The following ANGPT1 variants were observed in gnomAD, a reference collection of about 807,000 sequenced individuals.
ANGPT1 encodes angiopoietin 1, also known as angiopoietin-1.
ANGPT1 carries 17 observed loss-of-function variants against 62.2 expected under a neutral mutation model. That is an observed-to-expected ratio of 0.27 (90% confidence interval 0.19 to 0.41). ANGPT1 has a LOEUF of 0.41. Ranked by LOEUF, ANGPT1 falls within the 10% of genes least tolerant of loss-of-function variation. The probability of loss-of-function intolerance (pLI) is 1.00; values close to 1 mark genes in which losing one functional copy is unlikely to be tolerated. For synonymous variants in ANGPT1, 199 were observed against 198.9 expected, an observed-to-expected ratio of 1.00 and a Z score of 0.00; for missense variants, 478 against 594.9, an observed-to-expected ratio of 0.80 and a Z score of 2.04.
intron 1 of ANGPT1, among the ~76,000 whole-genome samples, chr8:107,379,806 AAG>A (rs1390827868): frequency 6.6e-6 from 1 of 152,192 alleles, no homozygotes; most frequent in Non-Finnish European, 1.5e-5. Context: ...TATTAAGAAA[AAG>A]TGAATTTATT....
At chr8:107,441,288 C>T (rs894147689) in intron 1 of ANGPT1, among the ~76,000 whole-genome samples, 2 of 152,202 alleles carry the variant, frequency 1.3e-5, no homozygotes, top group Non-Finnish European at 2.9e-5. Context: ...TTTCCTAAAA[C>T]TTCAACATAC....
At chr8:107,359,964 G>A (rs1475789692) in intron 1 of ANGPT1, among the ~76,000 whole-genome samples, 2 of 152,262 alleles carry the variant, frequency 1.3e-5, no homozygotes, top group East Asian at 3.9e-4. Flanking sequence ...TTCATTCTTA[G>A]TAGGAAACTT....
chr8:107,288,621 G>C (rs909349322), intron 6 of ANGPT1, among the ~76,000 whole-genome samples: 1 of 152,068 alleles, frequency 6.6e-6, no homozygotes, highest in African/African-American at 2.4e-5. Context: ...GCTATGAACT[G>C]AAGGTAGAGA....
Position 107,284,744 on chromosome 8 carries a change from T to G in ANGPT1, c.1143A>C (p.Glu381Asp), listed in dbSNP as rs1814098316. 6.2e-7 allele frequency: 1 copy of G among 1,611,338 alleles called. No homozygotes were observed. Among genetic ancestry groups the G allele is most frequent in the African/African-American group, 1.3e-5 (1 of 74,852 alleles). ...CATACTGTGAATAGGCTCGGTTCCC[T>G]TCCCAGTCCATTAACTCAATTCTTA... ...YMLRIELMDWEGNRAYSQYDR... is the reference protein window; with the variant it reads ...YMLRIELMDWDGNRAYSQYDR... The change falls in exon 7 of 9, where the codon GAA (glutamate) becomes GAC (aspartate). Residue 381 changes from glutamate to aspartate, a missense_variant. By Grantham distance (45) the Glu-to-Asp change is conservative. This residue lies in a region of ANGPT1 where 81 missense variants were observed against 117.1 expected (regional missense o/e 0.69). Coordinates refer to ENST00000517746, the MANE Select transcript of ANGPT1 (RefSeq NM_001146.5).
At chr8:107,355,549 A>G (rs1816025951) in intron 1 of ANGPT1, among the ~76,000 whole-genome samples, 1 of 135,706 alleles carries the variant, frequency 7.4e-6, no homozygotes, top group South Asian at 2.6e-4. Flanking sequence ...CCCTACATGT[A>G]CTTTATGCTC....
At chr8:107,375,494 G>T (rs1378177958) in intron 1 of ANGPT1, among the ~76,000 whole-genome samples, 2 of 152,092 alleles carry the variant, frequency 1.3e-5, no homozygotes, top group East Asian at 1.9e-4. Context: ...ATAAAGCCTA[G>T]TGCTGAAGTG....
intron 1 of ANGPT1, among the ~76,000 whole-genome samples, chr8:107,476,269 G>C (rs1812523257): frequency 6.6e-6 from 1 of 152,162 alleles, no homozygotes; most frequent in Non-Finnish European, 1.5e-5. Context: ...AAAAGGATGA[G>C]TTCATGTCCT....
chr8:107,351,802 T>C (rs772679197), intron 1 of ANGPT1, among the ~76,000 whole-genome samples: 10 of 152,090 alleles, frequency 6.6e-5, no homozygotes, highest in Non-Finnish European at 1.2e-4. Context: ...CATAAGTTTA[T>C]TTTGTCTGCT....
chr8:107,275,028 TAAGA>T (rs1404414768), intron 7 of ANGPT1, among the ~76,000 whole-genome samples: 1 of 152,082 alleles, frequency 6.6e-6, no homozygotes. Context: ...TGGACTGAGC[TAAGA>T]CTTAAAGGAT....
intron 1 of ANGPT1, among the ~76,000 whole-genome samples, chr8:107,476,254 C>A (rs1812523034): frequency 6.6e-6 from 1 of 152,042 alleles, no homozygotes; most frequent in Non-Finnish European, 1.5e-5. Context: ...ACTATGCAGC[C>A]ATAAAAAAGG....
chr8:107,264,121 A>T, intron 8 of ANGPT1, 100 bp downstream of exon 8: 1 of 1,405,530 alleles, frequency 7.1e-7, no homozygotes, highest in South Asian at 1.7e-5. Flanking sequence ...CTTGCTCTTA[A>T]GTTTCCTGAC....
At chr8:107,299,391 G>GTATATATA (rs59247214) in intron 5 of ANGPT1, among the ~76,000 whole-genome samples, 1,565 of 112,430 alleles carry the variant, frequency 0.014, 13 homozygotes, top group East Asian at 0.065. Flanking sequence ...ATGAAGGAGT[G>GTATATATA]TATATATATA....
At chr8:107,287,132 CT>C (rs1011779935) in intron 6 of ANGPT1, among the ~76,000 whole-genome samples, 10 of 152,226 alleles carry the variant, frequency 6.6e-5, no homozygotes, top group African/African-American at 2.4e-4. Flanking sequence ...AACACTTATA[CT>C]CAATGTGAAT....
intron 6 of ANGPT1, 101 bp from the exon 7 acceptor site, chr8:107,284,949 A>G: frequency 1.0e-6 from 1 of 1,000,482 alleles, no homozygotes; most frequent in South Asian, 4.0e-5. Context: ...ATTATTAAAA[A>G]GTAAAGGTTT....
intron 4 of ANGPT1, among the ~76,000 whole-genome samples, chr8:107,318,465 C>T (rs1815072253): frequency 6.6e-6 from 1 of 152,142 alleles, no homozygotes; most frequent in African/African-American, 2.4e-5. Context: ...AAGTACATGT[C>T]TAGCCAACAC....
At chr8:107,412,028 G>A (rs1369483952) in intron 1 of ANGPT1, among the ~76,000 whole-genome samples, 1 of 152,064 alleles carries the variant, frequency 6.6e-6, no homozygotes, top group African/African-American at 2.4e-5. Flanking sequence ...GATGTATTTT[G>A]CATTGTAGGA....
At chr8:107,360,121 T>A (rs533003371) in intron 1 of ANGPT1, among the ~76,000 whole-genome samples, 1 of 152,030 alleles carries the variant, frequency 6.6e-6, no homozygotes, top group Admixed American at 6.6e-5. Context: ...TCTGGTTTCA[T>A]AAGAAGTCAA....
chr8:107,384,668 C>A (rs182706514), intron 1 of ANGPT1, among the ~76,000 whole-genome samples: 61 of 152,210 alleles, frequency 4.0e-4, no homozygotes, highest in African/African-American at 1.4e-3. Flanking sequence ...AGCAAAAATG[C>A]TTTTGGAGTC....
chr8:107,378,149 C>A (rs111727684), intron 1 of ANGPT1, among the ~76,000 whole-genome samples: 1 of 152,138 alleles, frequency 6.6e-6, no homozygotes, highest in Non-Finnish European at 1.5e-5. Flanking sequence ...ATTAAATCAG[C>A]CTTCATAGGG....
Sources: gnomAD v4.1 joint callset for allele counts (sites outside exome capture counted in the v4.1 genomes callset) on GRCh38, gnomAD v4.1.1 for gene constraint, gnomAD v4.1.1 regional missense constraint, MANE v1.5 for transcripts, NCBI Gene and HGNC (gene_info 2026-07-23, HGNC 2026-07-21) for gene names.